Variants in RNF130 observed in about 807,000 individuals in gnomAD.
RNF130 encodes the protein ring finger protein 130, also known as E3 ubiquitin-protein ligase RNF130.
RNF130 carries 21 observed loss-of-function variants against 44.6 expected under a neutral mutation model. That is an observed-to-expected ratio of 0.47 (90% CI 0.33 to 0.68). The LOEUF is 0.68. Ranked by LOEUF, RNF130 falls within the 30% of genes least tolerant of loss-of-function variation. The pLI, the probability that RNF130 is intolerant of heterozygous loss-of-function variation, is 0.02. For missense variants in RNF130, 479 were observed against 560.6 expected, an observed-to-expected ratio of 0.85 and a Z score of 1.47; for synonymous variants, 214 against 210.4, an observed-to-expected ratio of 1.02 and a Z score of -0.15.
chr5:179,945,809 G>A (rs1762029051), intron 7 of RNF130, among the ~76,000 whole-genome samples: 1 of 152,112 alleles, frequency 6.6e-6, no homozygotes, highest in African/African-American at 2.4e-5. Context: ...TCTGTCCTGG[G>A]CAGTGCATGC....
Position 180,031,499 on chromosome 5 carries a change from T to A in RNF130, c.442+8954A>T, listed in dbSNP as rs570374935. On this transcript the variant is annotated intron_variant, in intron 2 of 8. Coordinates refer to ENST00000521389, the MANE Select transcript of RNF130 (RefSeq NM_018434.6). Reference sequence around the variant, plus strand: ...TGAGACTCCATCTCAAAAAAAAAAGTTAAATTTGGGGGGAGGCAAAAGTTA... The same window carrying A: ...TGAGACTCCATCTCAAAAAAAAAAGATAAATTTGGGGGGAGGCAAAAGTTA... 6.9e-4 allele frequency among the ~76,000 whole-genome samples: 105 copies of A among 151,876 alleles called. 1 individual carries two copies. Among genetic ancestry groups the A allele is most frequent in the African/African-American group, 2.3e-3 (96 of 41,418 alleles).
At chr5:180,002,060 G>A (rs890809525) in intron 3 of RNF130, among the ~76,000 whole-genome samples, 10 of 152,234 alleles carry the variant, frequency 6.6e-5, no homozygotes, top group Non-Finnish European at 1.3e-4. Flanking sequence ...TCTTTTGGGT[G>A]GGCCAGGCAC....
rs1762376781 is a variant in RNF130 at position 179,963,489 on chromosome 5, G to A, written c.1226C>T (p.Ala409Val). 6.2e-7 allele frequency: 1 copy of A among 1,613,642 alleles called. No homozygotes were observed. Among genetic ancestry groups the A allele is most frequent in the Non-Finnish European group, 8.5e-7 (1 of 1,179,686 alleles). Reference protein sequence around the residue: ...TLCYMIIRATASLNANEVEWF With the variant: ...TLCYMIIRATVSLNANEVEWF The stretch of plus-strand genomic sequence containing the variant: ...TACTTACTCATTAGCATTCAAGCTA[G>A]CTGTGGCTCTGATGATCATGTAGCA... The change falls in exon 8 of 9, where the codon GCT becomes GTT. Residue 409 changes from alanine to valine, a missense_variant. Coordinates refer to ENST00000521389, the MANE Select transcript of RNF130 (RefSeq NM_018434.6).
intron 7 of RNF130, among the ~76,000 whole-genome samples, chr5:179,965,955 C>T (rs370873938): frequency 1.4e-4 from 22 of 152,140 alleles, no homozygotes; most frequent in Admixed American, 7.2e-4. Flanking sequence ...AGCCTCAGGG[C>T]GTGACGTGCT....
At chr5:180,033,719 G>A (rs1764186848) in intron 2 of RNF130, among the ~76,000 whole-genome samples, 1 of 151,746 alleles carries the variant, frequency 6.6e-6, no homozygotes, top group South Asian at 2.1e-4. Context: ...GAGAGAGAGA[G>A]AGAAATACAA....
intron 7 of RNF130, chr5:179,933,758 A>C: frequency 4.3e-6 from 2 of 460,436 alleles, no homozygotes; most frequent in Non-Finnish European, 8.0e-6. Flanking sequence ...CTTAGGCGCA[A>C]GCGATTCACC....
chr5:179,923,930 A>C (rs1761669734), intron 7 of RNF130, among the ~76,000 whole-genome samples: 1 of 152,238 alleles, frequency 6.6e-6, no homozygotes, highest in Non-Finnish European at 1.5e-5. Flanking sequence ...TTGCGCATAT[A>C]ATCTCAGCAG....
intron 3 of RNF130, among the ~76,000 whole-genome samples, chr5:180,011,339 T>A (rs756759761): frequency 2.0e-5 from 3 of 152,228 alleles, no homozygotes; most frequent in Non-Finnish European, 4.4e-5. Flanking sequence ...TATATCAATG[T>A]TAATTTACTG....
At chr5:179,913,327 G>C (rs1194368713) in exon 8 of RNF130, 1 of 151,860 alleles carries the variant, frequency 6.6e-6, no homozygotes, top group African/African-American at 2.4e-5. Context: ...CTGAAAGCTT[G>C]AAACTCAAGT....
chr5:180,024,134 G>A (rs939538611), intron 2 of RNF130, among the ~76,000 whole-genome samples: 8 of 152,164 alleles, frequency 5.3e-5, no homozygotes, highest in Non-Finnish European at 7.3e-5. Context: ...CCTCAAAGCT[G>A]TCAAGGTCAT....
At chr5:180,020,072 A>G (rs1265941536) in intron 2 of RNF130, among the ~76,000 whole-genome samples, 3 of 152,138 alleles carry the variant, frequency 2.0e-5, no homozygotes, top group African/African-American at 4.8e-5. Flanking sequence ...AGAGGGGGAG[A>G]AAGGGAAGAG....
intron 3 of RNF130, among the ~76,000 whole-genome samples, chr5:179,993,887 T>C (rs750930522): frequency 3.4e-4 from 52 of 152,244 alleles, no homozygotes; most frequent in Non-Finnish European, 6.9e-4. Context: ...TAATCCATCT[T>C]GAATTAATTT....
intron 3 of RNF130, among the ~76,000 whole-genome samples, chr5:179,997,442 G>C (rs1172452234): frequency 6.6e-6 from 1 of 152,162 alleles, no homozygotes; most frequent in East Asian, 1.9e-4. Context: ...TCCTGCCTCA[G>C]CCTCCCGAGT....
chr5:179,928,396 C>T (rs1289872930), intron 7 of RNF130, among the ~76,000 whole-genome samples: 2 of 151,836 alleles, frequency 1.3e-5, no homozygotes, highest in Non-Finnish European at 2.9e-5. Flanking sequence ...GGTGTATACA[C>T]GGCATTTCAC....
chr5:180,051,333 T>C (rs1764684666), intron 1 of RNF130, among the ~76,000 whole-genome samples: 1 of 152,008 alleles, frequency 6.6e-6, no homozygotes, highest in Admixed American at 6.6e-5. Context: ...CACTGCAAGC[T>C]CTGCCTCCCG....
intron 3 of RNF130, among the ~76,000 whole-genome samples, chr5:179,985,499 A>G (rs60269817): frequency 8.5e-5 from 13 of 152,260 alleles, no homozygotes; most frequent in African/African-American, 3.1e-4. Flanking sequence ...TGAAGCCTTC[A>G]GTATTGAATT....
At position 179,964,714 on chromosome 5, in the gene RNF130, G is replaced by A. The variant is rs548855794; in HGVS notation, c.1151-1150C>T. ...AAGGTGGTGACTTTCAAAAGGTCAC[G>A]CAGCACTGCTCCTGGGGACTTCCGG... On this transcript the variant is annotated intron_variant, in intron 7 of 8. Transcript: ENST00000521389. 5.9e-5 allele frequency among the ~76,000 whole-genome samples: 9 copies of A among 152,312 alleles called. No individual in the cohort carries two copies. In the South Asian group the frequency reaches 1.2e-3, roughly 21 times the overall value.
chr5:180,030,117 G>A (rs1764096331), intron 2 of RNF130, among the ~76,000 whole-genome samples: 1 of 151,288 alleles, frequency 6.6e-6, no homozygotes, highest in Non-Finnish European at 1.5e-5. Context: ...TGAAGCGTTG[G>A]GATTACAGGC....
At chr5:180,031,097 C>A (rs964962600) in intron 2 of RNF130, among the ~76,000 whole-genome samples, 1 of 152,240 alleles carries the variant, frequency 6.6e-6, no homozygotes, top group African/African-American at 2.4e-5. Context: ...TCCTTAATAA[C>A]ATTTTCTTAT....
Sources: allele counts gnomAD v4.1 joint callset (sites outside exome capture counted in the v4.1 genomes callset), GRCh38; gene constraint gnomAD v4.1.1; transcripts MANE v1.5; gene names NCBI Gene and HGNC (gene_info 2026-07-23, HGNC 2026-07-21).